TBL1X: variants seen among roughly 807,000 people sequenced by gnomAD.
TBL1X encodes F-box-like/WD repeat-containing protein TBL1X.
Under a neutral mutation model 50.7 loss-of-function variants are expected in TBL1X, and 10 were observed. The ratio of observed to expected loss-of-function variants is 0.20; its 90% CI spans 0.12 to 0.33. The LOEUF (loss-of-function observed/expected upper bound fraction) is 0.33. Among genes scored for constraint, TBL1X ranks in the 10% least tolerant of loss-of-function variants. The pLI is 1.00. For synonymous variants in TBL1X, 190 were observed against 214.7 expected, an observed-to-expected ratio of 0.88 and a Z score of 1.01; for missense variants, 340 against 504.4, an observed-to-expected ratio of 0.67 and a Z score of 3.12.
At chrX:9,469,321 C>T (rs1021015359) in intron 1 of TBL1X, among the ~76,000 whole-genome samples, 4 of 111,511 alleles carry the variant, frequency 3.6e-5, no homozygotes, top group Non-Finnish European at 7.5e-5. Context: ...CTCCACCACA[C>T]CCGGCTGATT....
In TBL1X at chrX:9,704,979, C is replaced by G. The variant is rs980618874; in HGVS notation, c.1115-14C>G. ...ACAGTGAGTAACTCCAGATGTCCTC[C>G]CTCCCTACTGCAGCCCCTGCCCTTG... On this transcript the variant is annotated splice_polypyrimidine_tract_variant and intron_variant, in intron 12 of 17. Coordinates refer to ENST00000645353, the MANE Select transcript of TBL1X (RefSeq NM_005647.4). 17 of 1,209,871 alleles carry G rather than the reference C, an allele frequency of 1.4e-5. No individual in the cohort carries two copies. Among genetic ancestry groups the G allele is most frequent in the Non-Finnish European group, 1.7e-5 (15 of 895,333 alleles).
At chrX:9,697,498 C>G (rs1450988046) in intron 12 of TBL1X, 69 bp downstream of exon 12, 6 of 1,188,714 alleles carry the variant, frequency 5.0e-6, no homozygotes, top group African/African-American at 3.5e-5. Flanking sequence ...CAGGTCGAGC[C>G]CAGTGGCTTA....
intron 2 of TBL1X, among the ~76,000 whole-genome samples, chrX:9,614,941 C>T (rs2082632038): frequency 8.9e-6 from 1 of 111,762 alleles, no homozygotes; most frequent in Non-Finnish European, 1.9e-5. Context: ...AATGGTACTG[C>T]AAGTGATAAT....
At chrX:9,529,927 C>A (rs771181548) in intron 2 of TBL1X, among the ~76,000 whole-genome samples, 1 of 110,760 alleles carries the variant, frequency 9.0e-6, no homozygotes, top group African/African-American at 3.3e-5. Flanking sequence ...CAGAGCAAGA[C>A]CCTGTCTCAA....
Position 9,537,163 on chromosome X carries a change from T to C in TBL1X, c.-131+35314T>C, listed in dbSNP as rs1361268163. On this transcript the variant is annotated intron_variant, in intron 2 of 17. Coordinates refer to ENST00000645353, the MANE Select transcript of TBL1X (RefSeq NM_005647.4). ...TCGGGCAGGGAGGGATCCAAAGGGA[T>C]CTTGGTTTTTACCTTTGAGCCATCT... Among the ~76,000 whole-genome samples the C allele has an allele frequency of 2.7e-5, 3 of 111,162 alleles. No homozygotes were observed. The East Asian group carries it at 8.5e-4, about 31-fold the overall frequency.
At chrX:9,679,540 A>AG (rs1304171407) in intron 5 of TBL1X, among the ~76,000 whole-genome samples, 4 of 112,252 alleles carry the variant, frequency 3.6e-5, no homozygotes, top group Non-Finnish European at 7.5e-5. Flanking sequence ...TCTTTCATCG[A>AG]GGTACCACCA....
chrX:9,493,321 C>T, intron 1 of TBL1X, among the ~76,000 whole-genome samples: 1 of 111,654 alleles, frequency 9.0e-6, no homozygotes, highest in Non-Finnish European at 1.9e-5. Context: ...TTGCAGGGGA[C>T]CTGTTCTCTC....
intron 12 of TBL1X, among the ~76,000 whole-genome samples, chrX:9,699,067 G>A (rs1057422556): frequency 1.2e-4 from 13 of 111,217 alleles, no homozygotes; most frequent in Admixed American, 1.1e-3. Context: ...TGCAGCCTCC[G>A]CCTCCCATGC....
intron 5 of TBL1X, among the ~76,000 whole-genome samples, chrX:9,669,832 T>C (rs1453013147): frequency 1.8e-5 from 2 of 111,324 alleles, no homozygotes; most frequent in Non-Finnish European, 3.8e-5. Context: ...TAAGGTGTTA[T>C]AAAACCCAAA....
intron 2 of TBL1X, among the ~76,000 whole-genome samples, chrX:9,524,284 A>G (rs2082121935): frequency 9.0e-6 from 1 of 111,688 alleles, no homozygotes; most frequent in African/African-American, 3.3e-5. Flanking sequence ...AACCATTTTT[A>G]AGTGTACAGT....
chrX:9,701,252 C>T (rs1159267330), intron 12 of TBL1X, among the ~76,000 whole-genome samples: 2 of 110,983 alleles, frequency 1.8e-5, no homozygotes, highest in African/African-American at 6.6e-5. Flanking sequence ...TCCTGTAAAT[C>T]TCTAAGTATT....
chrX:9,696,511 C>T (rs766060579), intron 11 of TBL1X, among the ~76,000 whole-genome samples: 2 of 112,697 alleles, frequency 1.8e-5, no homozygotes, highest in African/African-American at 3.2e-5. Flanking sequence ...ATCTTCCTAG[C>T]GTCAGTAAAT....
chrX:9,523,444 G>A (rs2082116315), intron 2 of TBL1X, among the ~76,000 whole-genome samples: 1 of 111,571 alleles, frequency 9.0e-6, no homozygotes, highest in Admixed American at 9.5e-5. Flanking sequence ...CACTGGGCCA[G>A]GTCACCCACA....
rs748664554 is a variant in TBL1X, at chrX:9,693,302, A to G, written c.956-20A>G. ...AACAGACCATGACATTGAGGTCAAC[A>G]TGTTTGTTTTTACTAACAGGTAACC... On this transcript the variant is annotated intron_variant, in intron 10 of 17. Transcript: ENST00000645353. The G allele has an allele frequency of 8.3e-6, 10 of 1,208,673 alleles. No individual in the cohort carries two copies. The African/African-American group carries it at 1.6e-4, about 19-fold the overall frequency.
At chrX:9,551,841 G>T (rs1045129643) in intron 2 of TBL1X, among the ~76,000 whole-genome samples, 1 of 111,761 alleles carries the variant, frequency 8.9e-6, no homozygotes, top group Non-Finnish European at 1.9e-5. Context: ...CCAGAGCATC[G>T]AGCATAGTTT....
At chrX:9,700,737 C>T (rs764330044) in intron 12 of TBL1X, among the ~76,000 whole-genome samples, 1 of 111,205 alleles carries the variant, frequency 9.0e-6, no homozygotes, top group East Asian at 2.8e-4. Context: ...TAGCTTTTCC[C>T]CAGTAACACC....
At position 9,688,069 on chromosome X, in the gene TBL1X, C is replaced by T; in HGVS notation, c.410C>T (p.Ala137Val). ...ATAGAGTCCCTGTCACTGATAGACG[C>T]CGTGATGCCCGACGTGGTGCAGACG... ...RPIESLSLID[A>V]VMPDVVQTRQ... The change falls in exon 7 of 18, where the codon GCC (alanine) becomes GTC (valine). Residue 137 changes from alanine to valine, a missense_variant. Transcript: ENST00000645353. 1 of 1,211,145 alleles carries T rather than the reference C, an allele frequency of 8.3e-7. No individual in the cohort carries two copies. Among genetic ancestry groups the T allele is most frequent in the South Asian group, 1.8e-5 (1 of 56,859 alleles).
At chrX:9,474,583 GA>G (rs2146926878) in intron 1 of TBL1X, among the ~76,000 whole-genome samples, 1 of 113,115 alleles carries the variant, frequency 8.8e-6, no homozygotes, top group South Asian at 3.6e-4. Context: ...TTTTAAAGCT[GA>G]AAAAATGCGC....
chrX:9,522,294 A>T (rs1298224526), intron 2 of TBL1X, among the ~76,000 whole-genome samples: 7 of 111,748 alleles, frequency 6.3e-5, no homozygotes, highest in African/African-American at 2.3e-4. Context: ...CTAGGATTAC[A>T]GGTGTTGAGC....
Sources: allele counts gnomAD v4.1 joint callset (sites outside exome capture counted in the v4.1 genomes callset), GRCh38; gene constraint gnomAD v4.1.1; transcripts MANE v1.5; gene names NCBI Gene and HGNC (gene_info 2026-07-23, HGNC 2026-07-21).